The following BCAS4 variants were observed in gnomAD, a reference collection of about 807,000 sequenced individuals.
BCAS4 encodes the protein breast carcinoma amplified sequence 4, also known as breast carcinoma-amplified sequence 4.
BCAS4 carries 9 observed loss-of-function variants against 15.7 expected under a neutral mutation model. The ratio of observed to expected loss-of-function variants is 0.57; its 90% CI spans 0.34 to 1.00. The LOEUF (loss-of-function observed/expected upper bound fraction) is 1.00. Among genes scored for constraint, BCAS4 ranks in the 50% least tolerant of loss-of-function variants. The pLI, the probability that BCAS4 is intolerant of heterozygous loss-of-function variation, is 0.02. For synonymous variants in BCAS4, 101 were observed against 99.5 expected (o/e 1.02, Z -0.09); for missense variants, 225 against 239.1 (o/e 0.94, Z 0.39).
intron 1 of BCAS4, among the ~76,000 whole-genome samples, chr20:50,813,027 C>T (rs145452733): frequency 9.9e-5 from 15 of 152,100 alleles, no homozygotes; most frequent in Non-Finnish European, 1.9e-4. Context: ...CTATGTTGCC[C>T]AGGATGGCCT....
At chr20:50,853,893 GT>G (rs1465352909) in intron 4 of BCAS4, among the ~76,000 whole-genome samples, 2 of 151,920 alleles carry the variant, frequency 1.3e-5, no homozygotes, top group Non-Finnish European at 2.9e-5. Context: ...ACTGGTGGGT[GT>G]TTTGCCGCAT....
intron 4 of BCAS4, chr20:50,876,152 T>C: frequency 2.5e-6 from 1 of 393,572 alleles, no homozygotes; most frequent in Non-Finnish European, 5.0e-6. Flanking sequence ...GCTTTGACTG[T>C]GTTGGCCAGG....
chr20:50,820,993 G>T (rs2088207146), intron 2 of BCAS4, among the ~76,000 whole-genome samples: 1 of 152,166 alleles, frequency 6.6e-6, no homozygotes, highest in Non-Finnish European at 1.5e-5. Context: ...CAAAGATCTG[G>T]CCCTCCTGGG....
intron 1 of BCAS4, among the ~76,000 whole-genome samples, chr20:50,813,141 A>G (rs904663208): frequency 6.6e-6 from 1 of 152,066 alleles, no homozygotes; most frequent in African/African-American, 2.4e-5. Context: ...TTTCGGGTAT[A>G]TTGCTTGGCC....
At chr20:50,826,270 A>G (rs1170467339) in intron 2 of BCAS4, among the ~76,000 whole-genome samples, 1 of 152,192 alleles carries the variant, frequency 6.6e-6, no homozygotes, top group Non-Finnish European at 1.5e-5. Context: ...GTCACTGGTA[A>G]CAAATGCTGG....
intron 1 of BCAS4, among the ~76,000 whole-genome samples, chr20:50,804,921 G>A (rs890198101): frequency 3.3e-5 from 5 of 152,288 alleles, no homozygotes; most frequent in East Asian, 3.9e-4. Context: ...ACGCTACTCA[G>A]AGAATCACCT....
chr20:50,816,791 A>ATTTTTTTTTTTTTTTTTTTTTTTTTTTTT (rs35600563), intron 1 of BCAS4, among the ~76,000 whole-genome samples: 1 of 80,898 alleles, frequency 1.2e-5, no homozygotes, highest in Admixed American at 1.5e-4. Context: ...TGCCTGGCTA[A>ATTTTTTTTTTTTTTTTTTTTTTTTTTTTT]TTTTTTTTTT....
At chr20:50,850,764 G>A (rs1171228987) in intron 4 of BCAS4, among the ~76,000 whole-genome samples, 1 of 152,074 alleles carries the variant, frequency 6.6e-6, no homozygotes, top group Non-Finnish European at 1.5e-5. Context: ...CACTCTTGGT[G>A]CCTGCTGGTG....
At chr20:50,842,387 G>A (rs1017510605) in intron 4 of BCAS4, among the ~76,000 whole-genome samples, 74 of 152,250 alleles carry the variant, frequency 4.9e-4, no homozygotes, top group African/African-American at 1.4e-3. Flanking sequence ...GATCCTCTCC[G>A]TGGCCCCGCA....
intron 3 of BCAS4, 47 bp downstream of exon 3, chr20:50,830,427 C>T (rs1312138525): frequency 2.0e-6 from 3 of 1,517,172 alleles, no homozygotes; most frequent in Admixed American, 1.9e-5. Flanking sequence ...CTTGATCTTG[C>T]TTTTGCCTTT....
chr20:50,832,073 A>G lies in BCAS4; in HGVS notation c.264+1693A>G, dbSNP rs534279181. Among the ~76,000 whole-genome samples, 4 of 152,262 alleles carry G rather than the reference A, an allele frequency of 2.6e-5. No individual in the cohort carries two copies. The South Asian group carries it at 8.3e-4, about 32-fold the overall frequency. The stretch of plus-strand genomic sequence containing the variant: ...TGTCAGGCCCGGTTCCTTTCTGAGC[A>G]TTCAGTCCACTGATGTTGACTGAGG... On this transcript the variant is annotated intron_variant, in intron 3 of 4. Coordinates refer to ENST00000371608, the MANE Select transcript of BCAS4 (RefSeq NM_198799.4).
chr20:50,820,900 G>T (rs562676960), intron 2 of BCAS4, among the ~76,000 whole-genome samples: 1 of 151,960 alleles, frequency 6.6e-6, no homozygotes, highest in South Asian at 2.1e-4. Context: ...GATGTTTCTG[G>T]GGGGGAAAAA....
At chr20:50,810,930 G>A (rs1452694999) in intron 1 of BCAS4, among the ~76,000 whole-genome samples, 1 of 152,148 alleles carries the variant, frequency 6.6e-6, no homozygotes, top group Admixed American at 6.6e-5. Context: ...AAATGCTAAA[G>A]GGAAAAGTAA....
At chr20:50,849,332 G>A (rs927121692) in intron 4 of BCAS4, among the ~76,000 whole-genome samples, 1 of 152,244 alleles carries the variant, frequency 6.6e-6, no homozygotes, top group Non-Finnish European at 1.5e-5. Flanking sequence ...TGCCCTGGGG[G>A]AGGGAAGCTT....
At chr20:50,820,905 G>GA (rs138333435) in intron 2 of BCAS4, among the ~76,000 whole-genome samples, 2 of 152,052 alleles carry the variant, frequency 1.3e-5, no homozygotes, top group African/African-American at 4.8e-5. Context: ...TTCTGGGGGG[G>GA]AAAAAAGCAG....
At chr20:50,852,440 G>A (rs1402819289) in intron 4 of BCAS4, among the ~76,000 whole-genome samples, 2 of 151,998 alleles carry the variant, frequency 1.3e-5, no homozygotes, top group African/African-American at 2.4e-5. Flanking sequence ...GGAGTGCGGT[G>A]GCCTGATCTT....
At chr20:50,824,857 T>G (rs1478205133) in intron 2 of BCAS4, among the ~76,000 whole-genome samples, 1 of 152,188 alleles carries the variant, frequency 6.6e-6, no homozygotes, top group Non-Finnish European at 1.5e-5. Context: ...GAGATCTGGG[T>G]TTCTAAGGGA....
chr20:50,835,908 ATTTCT>A (rs754435037), intron 3 of BCAS4, among the ~76,000 whole-genome samples: 1 of 150,996 alleles, frequency 6.6e-6, no homozygotes, highest in Non-Finnish European at 1.5e-5. Context: ...GAGATGATGT[ATTTCT>A]TTTCTTTTCT....
At chr20:50,819,904 G>A (rs2088192881) in intron 2 of BCAS4, among the ~76,000 whole-genome samples, 1 of 151,908 alleles carries the variant, frequency 6.6e-6, no homozygotes, top group African/African-American at 2.4e-5. Flanking sequence ...AGGCTGGAGT[G>A]CCGTGATGCA....
Sources: gnomAD v4.1 joint callset for allele counts (sites outside exome capture counted in the v4.1 genomes callset) on GRCh38, gnomAD v4.1.1 for gene constraint, MANE v1.5 for transcripts, NCBI Gene and HGNC (gene_info 2026-07-23, HGNC 2026-07-21) for gene names.